STK3: variants seen among roughly 807,000 people sequenced by gnomAD.
STK3 encodes serine/threonine kinase 3.
A neutral mutation model predicts 58.0 loss-of-function variants in STK3; 41 were observed. The observed-to-expected ratio is 0.71, with a 90% confidence interval of 0.55 to 0.92. The LOEUF (loss-of-function observed/expected upper bound fraction) is 0.92, where lower values mean the gene tolerates loss of function less well. Ranked by LOEUF, STK3 falls within the 40% of genes least tolerant of loss-of-function variation. The pLI is 0.00. For missense variants in STK3, 479 were observed against 602.7 expected (o/e 0.79, Z 2.15); for synonymous variants, 170 against 191.0 (o/e 0.89, Z 0.91).
chr8:98,656,732 G>T (rs1821569240), intron 6 of STK3, among the ~76,000 whole-genome samples: 1 of 151,840 alleles, frequency 6.6e-6, no homozygotes, highest in Non-Finnish European at 1.5e-5. Flanking sequence ...ATTATCCATT[G>T]GGATTTGGTA....
chr8:98,720,547 G>A (rs1231486560), intron 4 of STK3, among the ~76,000 whole-genome samples: 6 of 151,982 alleles, frequency 3.9e-5, no homozygotes, highest in East Asian at 3.9e-4. Flanking sequence ...TCAGGAGATC[G>A]AGACCATCCT....
At chr8:98,783,196 A>G (rs1036531806) in intron 1 of STK3, among the ~76,000 whole-genome samples, 1 of 152,180 alleles carries the variant, frequency 6.6e-6, no homozygotes, top group East Asian at 1.9e-4. Flanking sequence ...AAAGCAAATA[A>G]CACAAAAATG....
intron 1 of STK3, among the ~76,000 whole-genome samples, chr8:98,934,290 C>A (rs962159260): frequency 6.6e-6 from 1 of 152,170 alleles, no homozygotes; most frequent in African/African-American, 2.4e-5. Context: ...TCACTAGGCC[C>A]ACCTGACACC....
At chr8:98,483,879 T>C (rs897751774) in intron 10 of STK3, among the ~76,000 whole-genome samples, 4 of 152,142 alleles carry the variant, frequency 2.6e-5, no homozygotes, top group African/African-American at 7.2e-5. Flanking sequence ...CTAGGTGTCA[T>C]AGATTTAAAT....
chr8:98,362,108 G>A, the STK3 span, among the ~76,000 whole-genome samples: 1 of 152,156 alleles, frequency 6.6e-6, no homozygotes, highest in African/African-American at 2.4e-5. Context: ...AAGGAAGGTC[G>A]GTTAACCAAC....
chr8:98,668,079 T>C (rs1475915624), intron 6 of STK3, among the ~76,000 whole-genome samples: 1 of 152,104 alleles, frequency 6.6e-6, no homozygotes, highest in East Asian at 1.9e-4. Context: ...GAAATGAACA[T>C]ATAAGAAATT....
intron 2 of STK3, among the ~76,000 whole-genome samples, chr8:98,372,917 T>C (rs1038028996): frequency 2.6e-5 from 4 of 152,232 alleles, no homozygotes; most frequent in African/African-American, 9.6e-5. Flanking sequence ...TGATGAGAAT[T>C]GAATGAGATA....
At chr8:98,790,979 G>A (rs902183249) in intron 1 of STK3, among the ~76,000 whole-genome samples, 102 of 149,176 alleles carry the variant, frequency 6.8e-4, no homozygotes, top group African/African-American at 2.1e-3. Context: ...GTGAGACTCC[G>A]TCTCAAAAAA....
intron 3 of STK3, among the ~76,000 whole-genome samples, chr8:98,759,826 T>C (rs1830510166): frequency 2.0e-5 from 3 of 152,152 alleles, no homozygotes; most frequent in Admixed American, 2.0e-4. Context: ...CATCCCTCAA[T>C]ATCCATGGCG....
At chr8:98,448,814 G>A (rs1204799291) in intron 1 of STK3, among the ~76,000 whole-genome samples, 3 of 152,132 alleles carry the variant, frequency 2.0e-5, no homozygotes, top group Non-Finnish European at 4.4e-5. Context: ...TGGTTAAAAT[G>A]TCATTTGTAT....
chr8:98,397,358 G>A (rs960829542), downstream of STK3, among the ~76,000 whole-genome samples: 2 of 152,104 alleles, frequency 1.3e-5, no homozygotes, highest in African/African-American at 4.8e-5. Context: ...GTGAAATCCT[G>A]TCTCTACAAA....
chr8:98,429,071 C>G, intron 3 of STK3: 1 of 1,613,152 alleles, frequency 6.2e-7, no homozygotes, highest in South Asian at 1.1e-5. Context: ...TCCCTGCCTG[C>G]TGGTGGTGGG....
downstream of STK3, among the ~76,000 whole-genome samples, chr8:98,453,229 C>T (rs1379420127): frequency 5.6e-5 from 7 of 125,080 alleles, 3 homozygotes; most frequent in Admixed American, 2.8e-4. Flanking sequence ...GCTGGGATTA[C>T]GGGCATGTGC....
intron 10 of STK3, among the ~76,000 whole-genome samples, chr8:98,458,211 G>A (rs908914075): frequency 2.0e-5 from 3 of 151,856 alleles, no homozygotes; most frequent in Non-Finnish European, 1.5e-5. Flanking sequence ...CTAATTTTGT[G>A]AAAAATGATG....
rs1182791854 is a variant in STK3 at position 98,509,067 on chromosome 8, T to C, written c.1317+17675A>G. On this transcript the variant is annotated intron_variant, in intron 10 of 10. Coordinates refer to ENST00000419617, the MANE Select transcript of STK3 (RefSeq NM_006281.4). ...GTCTTTCCCCAACCATCTTTTTTTTTCATCTGAAAAGTTTAATGATCTAAC... is the reference window on the plus strand; with the variant it reads ...GTCTTTCCCCAACCATCTTTTTTTTCCATCTGAAAAGTTTAATGATCTAAC... 2.6e-5 allele frequency among the ~76,000 whole-genome samples: 4 copies of C among 152,086 alleles called. No homozygotes were observed. The South Asian group carries it at 6.2e-4, about 24-fold the overall frequency.
intron 4 of STK3, among the ~76,000 whole-genome samples, chr8:98,717,525 T>G (rs1199028517): frequency 6.6e-6 from 1 of 152,132 alleles, no homozygotes; most frequent in African/African-American, 2.4e-5. Context: ...AGAACAAATG[T>G]TGGCAAAGAA....
intron 1 of STK3, among the ~76,000 whole-genome samples, chr8:98,776,789 C>T (rs1587590421): frequency 6.6e-6 from 1 of 151,602 alleles, no homozygotes; most frequent in Non-Finnish European, 1.5e-5. Context: ...CGGTGGCTCA[C>T]GCCTGTAATC....
At chr8:98,910,943 G>T (rs577095188) in intron 1 of STK3, among the ~76,000 whole-genome samples, 15 of 152,294 alleles carry the variant, frequency 9.8e-5, no homozygotes, top group African/African-American at 3.4e-4. Context: ...GTCAGCCATC[G>T]CACTTAGCAA....
intron 4 of STK3, among the ~76,000 whole-genome samples, chr8:98,730,734 A>C (rs1363795738): frequency 3.3e-5 from 5 of 151,872 alleles, no homozygotes; most frequent in East Asian, 1.9e-4. Context: ...AAAAAAAAAA[A>C]AAAACACCTG....
Sources: allele counts gnomAD v4.1 joint callset (sites outside exome capture counted in the v4.1 genomes callset), GRCh38; gene constraint gnomAD v4.1.1; transcripts MANE v1.5; gene names NCBI Gene and HGNC (gene_info 2026-07-23, HGNC 2026-07-21).